DPP6: variants seen among roughly 807,000 people sequenced by gnomAD.
DPP6 encodes dipeptidyl peptidase like 6, also known as A-type potassium channel modulatory protein DPP6.
A neutral mutation model predicts 122.6 loss-of-function variants in DPP6; 69 were observed. The ratio of observed to expected loss-of-function variants is 0.56; its 90% CI spans 0.46 to 0.69. DPP6 has a LOEUF of 0.69. DPP6 is among the 30% of genes least tolerant of loss of function. DPP6 has a pLI of 0.00. For missense variants in DPP6, 928 were observed against 1,116.9 expected (o/e 0.83, Z 2.41); for synonymous variants, 418 against 433.1 (o/e 0.97, Z 0.43).
chr7:154,497,400 G>T (rs1824840243), intron 3 of DPP6, among the ~76,000 whole-genome samples: 1 of 152,094 alleles, frequency 6.6e-6, no homozygotes. Flanking sequence ...TTGAGGTCAG[G>T]AGTTTGAAAC....
intron 1 of DPP6, among the ~76,000 whole-genome samples, chr7:154,125,497 A>G (rs1473429152): frequency 6.6e-6 from 1 of 152,192 alleles, no homozygotes; most frequent in East Asian, 1.9e-4. Context: ...AGAGCAATGC[A>G]CCTGAGTGTG....
intron 1 of DPP6, among the ~76,000 whole-genome samples, chr7:154,212,849 G>T (rs1470238472): frequency 6.6e-6 from 1 of 152,168 alleles, no homozygotes; most frequent in East Asian, 1.9e-4. Context: ...GCACACAGGT[G>T]GGGTACTAGC....
intron 1 of DPP6, among the ~76,000 whole-genome samples, chr7:154,398,659 T>C (rs547575682): frequency 4.3e-4 from 65 of 152,248 alleles, no homozygotes; most frequent in Admixed American, 2.4e-3. Context: ...TTTTGCAAAG[T>C]GAAACACACA....
chr7:154,615,927 C>T (rs1834222650), intron 5 of DPP6, among the ~76,000 whole-genome samples: 1 of 152,212 alleles, frequency 6.6e-6, no homozygotes, highest in African/African-American at 2.4e-5. Flanking sequence ...TCTCCCTCTG[C>T]CTGAATTCCC....
At chr7:154,763,634 A>T (rs934048894) in intron 8 of DPP6, among the ~76,000 whole-genome samples, 2 of 152,166 alleles carry the variant, frequency 1.3e-5, no homozygotes, top group Admixed American at 1.3e-4. Context: ...CCTCACCCAG[A>T]AAAACAAGGC....
At chr7:154,010,729 G>C (rs1798118467) in intron 1 of DPP6, among the ~76,000 whole-genome samples, 1 of 152,168 alleles carries the variant, frequency 6.6e-6, no homozygotes, top group East Asian at 1.9e-4. Context: ...GGGAAATTTA[G>C]ACTGAGATTA....
At chr7:153,877,216 A>G in the DPP6 span, among the ~76,000 whole-genome samples, 1 of 152,160 alleles carries the variant, frequency 6.6e-6, no homozygotes, top group African/African-American at 2.4e-5. Context: ...TTTTTAAAAA[A>G]TTATTTGATT....
chr7:154,793,051 G>A lies in DPP6; in HGVS notation c.1137-1028G>A, dbSNP rs535496513. 1.8e-4 allele frequency among the ~76,000 whole-genome samples: 28 copies of A among 152,358 alleles called. No homozygotes were observed. The South Asian group carries it at 5.8e-3, about 32-fold the overall frequency. ...CTGGTTAACTGAGGCTCCAGCCAAGGCATCTGGCTATAGTCGTTTCTGTTA... is the reference window on the plus strand; with the variant it reads ...CTGGTTAACTGAGGCTCCAGCCAAGACATCTGGCTATAGTCGTTTCTGTTA... On this transcript the variant is annotated intron_variant, in intron 10 of 25. Coordinates refer to ENST00000377770, the MANE Select transcript of DPP6 (RefSeq NM_130797.4).
intron 1 of DPP6, among the ~76,000 whole-genome samples, chr7:154,409,452 G>T (rs1388371362): frequency 6.6e-6 from 1 of 152,166 alleles, no homozygotes; most frequent in Non-Finnish European, 1.5e-5. Context: ...AAGTCTCCAA[G>T]TCTGTGGAAT....
At chr7:154,725,560 C>T (rs1489058965) in intron 7 of DPP6, among the ~76,000 whole-genome samples, 1 of 152,096 alleles carries the variant, frequency 6.6e-6, no homozygotes, top group African/African-American at 2.4e-5. Context: ...AAAATCCACC[C>T]CCATGATCCA....
At chr7:154,245,504 G>A (rs756891223) in intron 1 of DPP6, among the ~76,000 whole-genome samples, 19 of 151,318 alleles carry the variant, frequency 1.3e-4, no homozygotes, top group Non-Finnish European at 2.2e-4. Flanking sequence ...GCATGGTGGC[G>A]GGTGGCCTAT....
intron 5 of DPP6, among the ~76,000 whole-genome samples, chr7:154,615,014 G>C (rs1834146467): frequency 6.6e-6 from 1 of 152,220 alleles, no homozygotes; most frequent in African/African-American, 2.4e-5. Flanking sequence ...GCTGTGGTCA[G>C]CTGGAGGCCC....
At chr7:154,108,876 T>C (rs1370930502) in intron 1 of DPP6, among the ~76,000 whole-genome samples, 29 of 152,252 alleles carry the variant, frequency 1.9e-4, no homozygotes, top group Non-Finnish European at 7.3e-5. Flanking sequence ...CCAGTCACTT[T>C]AGAGTAATTG....
rs1156237884 is a variant in DPP6, at chr7:154,877,721, T to TCC, written c.2078+1622_2078+1623dup. Among the ~76,000 whole-genome samples the TCC allele has an allele frequency of 1.3e-5, 2 of 152,122 alleles. No homozygotes were observed. The highest frequency in any genetic ancestry group is 4.8e-5 in the African/African-American group (2 of 41,432). On this transcript the variant is annotated intron_variant, in intron 20 of 25. Coordinates refer to ENST00000377770, the MANE Select transcript of DPP6 (RefSeq NM_130797.4). This position sits in a 1 kb window ranked among gnomAD's most constrained non-coding sequence, Gnocchi z 5.2. ...TCCCCACAAGCAGACAGCAAACCTCTCCTTCCATCTCCCTGGCCCTCCCCT... is the reference window on the plus strand; with the variant it reads ...TCCCCACAAGCAGACAGCAAACCTCTCCCCTTCCATCTCCCTGGCCCTCCCCT...
chr7:153,934,154 G>A (rs992211309), intron 1 of DPP6, among the ~76,000 whole-genome samples: 6 of 152,134 alleles, frequency 3.9e-5, no homozygotes, highest in African/African-American at 1.2e-4. Context: ...GGATTCAGGG[G>A]CTCCCCTCAT....
chr7:154,256,242 G>T (rs77286540), intron 1 of DPP6, among the ~76,000 whole-genome samples: 2 of 152,080 alleles, frequency 1.3e-5, no homozygotes, highest in African/African-American at 2.4e-5. Flanking sequence ...AGTAGTGGCC[G>T]TAATTTATCT....
At chr7:154,005,903 T>G (rs1797895119) in intron 1 of DPP6, among the ~76,000 whole-genome samples, 1 of 152,148 alleles carries the variant, frequency 6.6e-6, no homozygotes, top group Non-Finnish European at 1.5e-5. Context: ...CCATTCCCCA[T>G]GGCCACTCAG....
chr7:154,111,334 C>G, intron 1 of DPP6, among the ~76,000 whole-genome samples: 1 of 152,136 alleles, frequency 6.6e-6, no homozygotes, highest in Non-Finnish European at 1.5e-5. Context: ...CTCTGTGGTG[C>G]CTTGGTATCC....
chr7:154,293,436 G>C (rs1223697905), intron 1 of DPP6, among the ~76,000 whole-genome samples: 1 of 152,158 alleles, frequency 6.6e-6, no homozygotes, highest in Non-Finnish European at 1.5e-5. Context: ...TAAAAGTGGA[G>C]CTGTGTGGGC....
Sources: gnomAD v4.1 joint callset for allele counts (sites outside exome capture counted in the v4.1 genomes callset) on GRCh38, gnomAD v4.1.1 for gene constraint, Gnocchi (gnomAD v3.1) non-coding constraint, MANE v1.5 for transcripts, NCBI Gene and HGNC (gene_info 2026-07-23, HGNC 2026-07-21) for gene names.